Variants in OR4M1 observed in about 807,000 individuals in gnomAD.
OR4M1 encodes olfactory receptor 4M1.
Under a neutral mutation model 9.8 loss-of-function variants are expected in OR4M1, and 7 were observed. The observed-to-expected ratio is 0.71, with a 90% CI of 0.41 to 1.34. The LOEUF (loss-of-function observed/expected upper bound fraction) is 1.34. OR4M1 is among the 40% of genes most tolerant of loss of function. OR4M1 has a pLI of 0.01. For synonymous variants in OR4M1, 121 were observed against 139.8 expected (o/e 0.87, Z 0.95); for missense variants, 331 against 380.4 (o/e 0.87, Z 1.08).
chr14:19,774,228 G>T (rs1158267972), intron 1 of OR4M1, among the ~76,000 whole-genome samples: 3 of 152,318 alleles, frequency 2.0e-5, no homozygotes, highest in African/African-American at 7.2e-5. Context: ...TTAACAAAAA[G>T]GATTCCAAAA....
chr14:19,774,086 G>A (rs943352305), intron 1 of OR4M1, among the ~76,000 whole-genome samples: 2 of 152,214 alleles, frequency 1.3e-5, no homozygotes, highest in Non-Finnish European at 2.9e-5. Context: ...GAAAGGTGAG[G>A]CTTGAAATAT....
At chr14:19,778,228 C>T (rs1054427409) in intron 1 of OR4M1, among the ~76,000 whole-genome samples, 2 of 152,110 alleles carry the variant, frequency 1.3e-5, no homozygotes, top group African/African-American at 4.8e-5. Context: ...TCCATAATAC[C>T]TGATGTATGT....
chr14:19,776,501 C>T (rs1288770155), intron 1 of OR4M1, among the ~76,000 whole-genome samples: 2 of 152,186 alleles, frequency 1.3e-5, no homozygotes, highest in African/African-American at 2.4e-5. Flanking sequence ...AAAAGAGAAG[C>T]AGAAGCTTAG....
chr14:19,777,466 T>G (rs1475388664), intron 1 of OR4M1, among the ~76,000 whole-genome samples: 1 of 152,180 alleles, frequency 6.6e-6, no homozygotes, highest in Non-Finnish European at 1.5e-5. Context: ...ATTTCCTGCT[T>G]GTCTTTTAGA....
intron 1 of OR4M1, among the ~76,000 whole-genome samples, chr14:19,774,449 G>A (rs914442661): frequency 6.6e-6 from 1 of 152,214 alleles, no homozygotes; most frequent in African/African-American, 2.4e-5. Flanking sequence ...TTAGGCAGTA[G>A]ATATATAAAT....
chr14:19,777,791 C>T (rs1360834782), intron 1 of OR4M1, among the ~76,000 whole-genome samples: 3 of 152,150 alleles, frequency 2.0e-5, no homozygotes, highest in Non-Finnish European at 4.4e-5. Context: ...GGAATTGTTG[C>T]ATCATTTATG....
rs1362849228 is a variant in OR4M1, at chr14:19,780,481, T to G, written c.159T>G (p.Pro53=). The stretch of plus-strand genomic sequence containing the variant: ...TCATTTGCACCATCAGGCTAGACCC[T>G]CATCTGACTTCTCCTATGTATTTCC... The part of the protein sequence containing the change: ...ILIICTIRLD[P]HLTSPMYFLL... The change falls in exon 2 of 2, where the codon CCT becomes CCG. Residue 53 remains proline, a synonymous_variant. Transcript: ENST00000641200. The G allele has an allele frequency of 1.9e-6, 3 of 1,614,092 alleles. No homozygotes were observed. The African/African-American group carries it at 4.0e-5, about 22-fold the overall frequency.
At chr14:19,777,952 C>T (rs1878360304) in intron 1 of OR4M1, among the ~76,000 whole-genome samples, 1 of 151,998 alleles carries the variant, frequency 6.6e-6, no homozygotes, top group Admixed American at 6.6e-5. Flanking sequence ...GTTTGATTGG[C>T]TGCCTGACTA....
chr14:19,774,750 A>T (rs1461424430), intron 1 of OR4M1, among the ~76,000 whole-genome samples: 2 of 152,216 alleles, frequency 1.3e-5, no homozygotes, highest in African/African-American at 4.8e-5. Flanking sequence ...GGGGACCATT[A>T]TATGCATTAA....
chr14:19,776,693 T>C (rs1878318456), intron 1 of OR4M1, among the ~76,000 whole-genome samples: 1 of 152,124 alleles, frequency 6.6e-6, no homozygotes, highest in Non-Finnish European at 1.5e-5. Flanking sequence ...CCCATAAACA[T>C]AATTGCTTTG....
Position 19,782,692 on chromosome 14 carries a change from T to C in OR4M1, c.*1428T>C, listed in dbSNP as rs976193051. ...GGAATTTTTCCTTATGGTGACCTTC[T>C]TCGATCTTCAATGCTACGTTACTTC... On this transcript the variant is annotated 3_prime_UTR_variant, in exon 2 of 2. Coordinates refer to ENST00000641200, the MANE Select transcript of OR4M1 (RefSeq NM_001005500.2). 3.9e-5 allele frequency: 6 copies of C among 152,240 alleles called. No homozygotes were observed. Among genetic ancestry groups the C allele is most frequent in the Non-Finnish European group, 8.8e-5 (6 of 68,052 alleles). The allele number at this position is 152,240 out of a possible 1,614,324, so 9.4% of individuals were successfully genotyped here. A position where few individuals can be genotyped will look rare whatever the true frequency, so the allele number is the denominator to read the frequency against.
intron 1 of OR4M1, among the ~76,000 whole-genome samples, chr14:19,777,045 T>TAC (rs1485323960): frequency 8.0e-6 from 1 of 125,450 alleles, no homozygotes; most frequent in East Asian, 2.4e-4. Context: ...TATATATATA[T>TAC]ATATTGTTTG....
Position 19,780,504 on chromosome 14 carries a change from T to A in OR4M1, c.182T>A (p.Phe61Tyr), listed in dbSNP as rs771589393. 14 of 1,614,106 alleles carry A rather than the reference T, an allele frequency of 8.7e-6. No individual in the cohort carries two copies. Among genetic ancestry groups the A allele is most frequent in the Non-Finnish European group, 1.1e-5 (13 of 1,180,026 alleles). The change falls in exon 2 of 2, where the codon TTC becomes TAC. Residue 61 changes from phenylalanine (F) to tyrosine (Y), a missense_variant. Transcript: ENST00000641200. Reference protein sequence around the residue: ...LDPHLTSPMYFLLANLALLDI... With the variant: ...LDPHLTSPMYYLLANLALLDI... ...CCTCATCTGACTTCTCCTATGTATT[T>A]CCTGTTGGCTAATCTGGCCCTCCTT...
At chr14:19,779,276 C>T (rs575045329) in intron 1 of OR4M1, among the ~76,000 whole-genome samples, 297 of 152,188 alleles carry the variant, frequency 2.0e-3, no homozygotes, top group African/African-American at 6.6e-3. Flanking sequence ...ATTTTTTAAG[C>T]AATAGGAGAG....
In OR4M1 at chr14:19,781,107, G is replaced by A. The variant is rs141841845; in HGVS notation, c.785G>A (p.Arg262His). ...MFGPSIYIYA[R>H]PFDSFSLDKV... Reference sequence around the variant, plus strand: ...GGGCCATCCATCTACATTTATGCTCGCCCATTTGACTCATTTTCCCTAGAT... The same window carrying A: ...GGGCCATCCATCTACATTTATGCTCACCCATTTGACTCATTTTCCCTAGAT... Residue 262 changes from arginine to histidine, a missense_variant, in exon 2 of 2, where the codon CGC becomes CAC. This residue lies in a region of OR4M1 where 122 missense variants were observed against 180.5 expected (regional missense o/e 0.68). Transcript: ENST00000641200. 2.7e-3 allele frequency: 4,316 copies of A among 1,613,662 alleles called. 6 individuals are homozygous for A. The highest frequency in any genetic ancestry group is 5.5e-3 in the African/African-American group (413 of 74,968).
In OR4M1 at chr14:19,780,635, C is replaced by T; in HGVS notation, c.313C>T (p.His105Tyr). ...ATGCATTGCACAGCTCTTCTTCTTA[C>T]ACTTTGTTGGGGCTTCGGAGATGTT... ...GGCIAQLFFLHFVGASEMFLL... is the reference protein window; with the variant it reads ...GGCIAQLFFLYFVGASEMFLL... The change falls in exon 2 of 2, where the codon CAC becomes TAC. Residue 105 changes from histidine to tyrosine, a missense_variant. Coordinates refer to ENST00000641200, the MANE Select transcript of OR4M1 (RefSeq NM_001005500.2). The T allele has an allele frequency of 3.7e-6, 6 of 1,614,216 alleles. No individual in the cohort carries two copies. The Middle Eastern group carries it at 4.9e-4, about 133-fold the overall frequency.
chr14:19,780,152 G>A (rs1878424717), intron 1 of OR4M1, 142 bp from the exon 2 acceptor site: 3 of 725,464 alleles, frequency 4.1e-6, no homozygotes, highest in South Asian at 4.6e-5. Context: ...CTCTTTCTTG[G>A]TTTATCAAAT....
chr14:19,781,341 C>T lies in OR4M1; in HGVS notation c.*77C>T, dbSNP rs915732544. 3.3e-6 allele frequency: 4 copies of T among 1,217,486 alleles called. No homozygotes were observed. The African/African-American group carries it at 6.2e-5, about 19-fold the overall frequency. 75.4% of individuals were successfully genotyped at this position (1,217,486 alleles called of 1,614,324 possible). A position where few individuals can be genotyped will look rare whatever the true frequency, so the allele number is the denominator to read the frequency against. ...GGAAGTATTTGCAGTAATAATGCTG[C>T]ATTCACTTCCTCCGTTCATTTGTGT... On this transcript the variant is annotated 3_prime_UTR_variant, in exon 2 of 2. Transcript: ENST00000641200.
At chr14:19,780,250 A>G in intron 1 of OR4M1, 44 bp from the exon 2 acceptor site, 1 of 1,443,068 alleles carries the variant, frequency 6.9e-7, no homozygotes, top group Non-Finnish European at 9.4e-7. Context: ...ATAACTCTAG[A>G]TAAATGCTAT....
Sources: allele counts gnomAD v4.1 joint callset (sites outside exome capture counted in the v4.1 genomes callset), GRCh38; gene constraint gnomAD v4.1.1; regional missense constraint gnomAD v4.1.1; transcripts MANE v1.5; gene names NCBI Gene and HGNC (gene_info 2026-07-23, HGNC 2026-07-21).